The following TTC29 variants were observed in gnomAD, a reference collection of about 807,000 sequenced individuals.
TTC29 encodes the protein tetratricopeptide repeat domain 29, also known as tetratricopeptide repeat protein 29.
Under a neutral mutation model 58.1 loss-of-function variants are expected in TTC29, and 49 were observed. The observed-to-expected ratio is 0.84, with a 90% CI of 0.67 to 1.07. The LOEUF is 1.07. Ranked by LOEUF, TTC29 falls within the 50% of genes least tolerant of loss-of-function variation. The pLI is 0.00. For synonymous variants in TTC29, 209 were observed against 196.8 expected, an observed-to-expected ratio of 1.06 and a Z score of -0.52; for missense variants, 582 against 555.6, an observed-to-expected ratio of 1.05 and a Z score of -0.48.
intron 8 of TTC29, among the ~76,000 whole-genome samples, chr4:146,856,371 A>C (rs867017799): frequency 6.6e-6 from 1 of 152,096 alleles, no homozygotes; most frequent in East Asian, 1.9e-4. Context: ...TCTCAAGGGA[A>C]ACTAAAACCA....
chr4:146,809,163 C>A (rs1253152518), intron 10 of TTC29, among the ~76,000 whole-genome samples: 1 of 149,842 alleles, frequency 6.7e-6, no homozygotes, highest in Non-Finnish European at 1.5e-5. Flanking sequence ...ATAAATGGTG[C>A]TGGGAAAACT....
chr4:146,830,701 G>A (rs187152236), intron 9 of TTC29, among the ~76,000 whole-genome samples: 18 of 152,254 alleles, frequency 1.2e-4, no homozygotes, highest in Admixed American at 4.6e-4. Flanking sequence ...TTTCTTGCAC[G>A]TTGCTACTAA....
At chr4:146,782,810 G>GAAAAT (rs1480841324) in intron 11 of TTC29, among the ~76,000 whole-genome samples, 1 of 151,866 alleles carries the variant, frequency 6.6e-6, no homozygotes, top group East Asian at 1.9e-4. Context: ...ATTTAGAATA[G>GAAAAT]AAAATAAAAG....
chr4:146,875,607 C>G (rs1262209459), intron 6 of TTC29, among the ~76,000 whole-genome samples: 1 of 152,140 alleles, frequency 6.6e-6, no homozygotes, highest in African/African-American at 2.4e-5. Context: ...ACCTCAGCCT[C>G]CCAATTTCAT....
chr4:146,749,835 T>C (rs1372606561), intron 11 of TTC29, among the ~76,000 whole-genome samples: 3 of 152,196 alleles, frequency 2.0e-5, no homozygotes, highest in Non-Finnish European at 4.4e-5. Flanking sequence ...CAATAGACTA[T>C]CAGCAGATTT....
At chr4:146,810,412 G>C (rs1273968272) in intron 10 of TTC29, among the ~76,000 whole-genome samples, 1 of 151,968 alleles carries the variant, frequency 6.6e-6, no homozygotes, top group African/African-American at 2.4e-5. Context: ...TATAAAAAAA[G>C]TCTTATGTTC....
intron 10 of TTC29, among the ~76,000 whole-genome samples, chr4:146,815,773 G>T (rs945171016): frequency 1.3e-5 from 2 of 152,184 alleles, no homozygotes; most frequent in Non-Finnish European, 2.9e-5. Flanking sequence ...AGGTGGTGGG[G>T]TATGCATTTG....
intron 11 of TTC29, among the ~76,000 whole-genome samples, chr4:146,776,393 G>C (rs1748093226): frequency 1.3e-5 from 2 of 151,566 alleles, no homozygotes; most frequent in South Asian, 4.2e-4. Context: ...TGTCTCATCT[G>C]TGTGGGCTGA....
At chr4:146,817,166 T>G (rs1346172755) in intron 10 of TTC29, among the ~76,000 whole-genome samples, 3 of 152,204 alleles carry the variant, frequency 2.0e-5, no homozygotes, top group Non-Finnish European at 4.4e-5. Flanking sequence ...ACGACATGAT[T>G]GTATACCTAG....
chr4:146,715,208 C>CA (rs1742841954), intron 11 of TTC29, among the ~76,000 whole-genome samples: 1 of 152,120 alleles, frequency 6.6e-6, no homozygotes, highest in African/African-American at 2.4e-5. Context: ...GGAGGTTTCT[C>CA]AAAAAACTAT....
At chr4:146,825,065 T>C (rs1166778045) in intron 9 of TTC29, among the ~76,000 whole-genome samples, 1 of 152,178 alleles carries the variant, frequency 6.6e-6, no homozygotes, top group African/African-American at 2.4e-5. Context: ...CCTGGATTCA[T>C]TGATTTTTTG....
intron 6 of TTC29, among the ~76,000 whole-genome samples, chr4:146,880,155 C>G (rs760592447): frequency 6.6e-6 from 1 of 152,104 alleles, no homozygotes; most frequent in Non-Finnish European, 1.5e-5. Flanking sequence ...CCTTAGTAGT[C>G]AATTTATTTC....
intron 11 of TTC29, among the ~76,000 whole-genome samples, chr4:146,798,401 A>AAAG (rs1749974013): frequency 6.6e-6 from 1 of 152,204 alleles, no homozygotes; most frequent in South Asian, 2.1e-4. Context: ...CAACCAGGGA[A>AAAG]AAGTAAAACT....
At chr4:146,720,361 C>A (rs1200784484) in intron 11 of TTC29, among the ~76,000 whole-genome samples, 1 of 152,020 alleles carries the variant, frequency 6.6e-6, no homozygotes, top group Non-Finnish European at 1.5e-5. Flanking sequence ...AAGAAAAACC[C>A]CCAGAAGGCC....
At chr4:146,819,165 G>T (rs1751649883) in intron 10 of TTC29, among the ~76,000 whole-genome samples, 1 of 151,264 alleles carries the variant, frequency 6.6e-6, no homozygotes, top group Non-Finnish European at 1.5e-5. Flanking sequence ...AAAAAAGATA[G>T]TACTTCTCCA....
intron 10 of TTC29, among the ~76,000 whole-genome samples, chr4:146,813,843 G>A (rs755614156): frequency 1.1e-4 from 16 of 152,268 alleles, no homozygotes; most frequent in Middle Eastern, 3.4e-3. Flanking sequence ...AATTAGCTGG[G>A]TGGGGTGGCA....
chr4:146,874,617 A>G, intron 7 of TTC29, 99 bp downstream of exon 7: 1 of 955,138 alleles, frequency 1.0e-6, no homozygotes, highest in East Asian at 2.6e-5. Flanking sequence ...TTTCATAGGA[A>G]ATAATCACCC....
At chr4:146,803,361 A>T in intron 11 of TTC29, 96 bp downstream of exon 11, 1 of 902,688 alleles carries the variant, frequency 1.1e-6, no homozygotes, top group Non-Finnish European at 1.7e-6. Context: ...CAATCAAATT[A>T]AAATCACCGA....
intron 8 of TTC29, among the ~76,000 whole-genome samples, chr4:146,862,143 C>T (rs1730275150): frequency 1.3e-5 from 2 of 151,658 alleles, no homozygotes; most frequent in South Asian, 2.1e-4. Flanking sequence ...AAGAGGATCT[C>T]GAAAGAAAAC....
Sources: gnomAD v4.1 joint callset for allele counts (sites outside exome capture counted in the v4.1 genomes callset) on GRCh38, gnomAD v4.1.1 for gene constraint, MANE v1.5 for transcripts, NCBI Gene and HGNC (gene_info 2026-07-23, HGNC 2026-07-21) for gene names.